Variants in MARCHF1 observed in about 807,000 individuals in gnomAD.
MARCHF1 encodes the protein membrane associated ring-CH-type finger 1.
MARCHF1 carries 40 observed loss-of-function variants against 54.2 expected under a neutral mutation model. The observed-to-expected ratio is 0.74, with a 90% CI of 0.57 to 0.96. The LOEUF is 0.96. Among genes scored for constraint, MARCHF1 ranks in the 40% least tolerant of loss-of-function variants. The probability of loss-of-function intolerance (pLI) is 0.00; values close to 1 mark genes in which losing one functional copy is unlikely to be tolerated. For synonymous variants in MARCHF1, 236 were observed against 236.3 expected (o/e 1.00, Z 0.01); for missense variants, 586 against 656.5 (o/e 0.89, Z 1.17).
chr4:164,350,352 G>A (rs1730245613), intron 1 of MARCHF1, among the ~76,000 whole-genome samples: 1 of 152,102 alleles, frequency 6.6e-6, no homozygotes, highest in South Asian at 2.1e-4. Flanking sequence ...AGTGGGAAGG[G>A]TTGGGGGGAA....
At chr4:163,631,691 A>G (rs1196020215) in intron 5 of MARCHF1, among the ~76,000 whole-genome samples, 1 of 152,254 alleles carries the variant, frequency 6.6e-6, no homozygotes, top group East Asian at 1.9e-4. Context: ...AAGTTTAATT[A>G]AGAATATATT....
At chr4:163,695,490 G>A (rs145889865) in intron 5 of MARCHF1, among the ~76,000 whole-genome samples, 1 of 152,156 alleles carries the variant, frequency 6.6e-6, no homozygotes, top group African/African-American at 2.4e-5. Context: ...TTGAAATTTT[G>A]TAAGATATTT....
chr4:164,373,768 T>C (rs186884038), intron 1 of MARCHF1, among the ~76,000 whole-genome samples: 1 of 152,310 alleles, frequency 6.6e-6, no homozygotes, highest in East Asian at 1.9e-4. Context: ...CATCTCCCAG[T>C]AGCCATGTGG....
intron 2 of MARCHF1, among the ~76,000 whole-genome samples, chr4:163,995,453 T>A (rs952884483): frequency 2.6e-5 from 4 of 151,934 alleles, no homozygotes; most frequent in African/African-American, 9.7e-5. Context: ...CCCTCCTCCT[T>A]GGAGGAGGGG....
intron 5 of MARCHF1, among the ~76,000 whole-genome samples, chr4:163,696,980 TTTGTATCC>T (rs1413618677): frequency 2.0e-5 from 3 of 152,226 alleles, no homozygotes; most frequent in South Asian, 4.1e-4. Flanking sequence ...CTGTGATTTA[TTTGTATCC>T]TTGTATCCAA....
Position 163,625,889 on chromosome 4 carries a change from A to C in MARCHF1, c.163-12496T>G, listed in dbSNP as rs538135075. Among the ~76,000 whole-genome samples, 16 of 152,334 alleles carry C rather than the reference A, an allele frequency of 1.1e-4. No individual in the cohort carries two copies. The South Asian group carries it at 3.3e-3, about 32-fold the overall frequency. Reference sequence around the variant, plus strand: ...ACTGTAATTGAGGATAAAATGAATTAATGTCTTTTAAACACATGGCCCTAT... The same window carrying C: ...ACTGTAATTGAGGATAAAATGAATTCATGTCTTTTAAACACATGGCCCTAT... On this transcript the variant is annotated intron_variant, in intron 5 of 9. Transcript: ENST00000514618.
At position 163,750,278 on chromosome 4, in the gene MARCHF1, G is replaced by A. The variant is rs529799546; in HGVS notation, c.112-49415C>T. On this transcript the variant is annotated intron_variant, in intron 4 of 9. Transcript: ENST00000514618. ...TGTAATCCCAGCAATTTGGGAGGCCGAGGCGGGCGGATCATGAGGTCAGGA... is the reference window on the plus strand; with the variant it reads ...TGTAATCCCAGCAATTTGGGAGGCCAAGGCGGGCGGATCATGAGGTCAGGA... Among the ~76,000 whole-genome samples, 24 of 152,084 alleles carry A rather than the reference G, an allele frequency of 1.6e-4. No homozygotes were observed. In the South Asian group the frequency reaches 2.1e-3, roughly 13 times the overall value.
chr4:164,091,902 G>T (rs62349998), intron 2 of MARCHF1, among the ~76,000 whole-genome samples: 1 of 151,428 alleles, frequency 6.6e-6, no homozygotes, highest in Non-Finnish European at 1.5e-5. Context: ...GTGTCTGTAT[G>T]TGTGTCTGTG....
intron 4 of MARCHF1, among the ~76,000 whole-genome samples, chr4:163,774,094 A>G (rs1747237135): frequency 6.6e-6 from 1 of 152,142 alleles, no homozygotes; most frequent in Non-Finnish European, 1.5e-5. Context: ...ACTAAAATCC[A>G]CAGATGCTCA....
At chr4:163,997,481 T>C (rs1183590506) in intron 2 of MARCHF1, among the ~76,000 whole-genome samples, 1 of 152,036 alleles carries the variant, frequency 6.6e-6, no homozygotes, top group Non-Finnish European at 1.5e-5. Context: ...CAAACTTTAA[T>C]GTTCAAGTGG....
chr4:164,190,299 G>A, intron 1 of MARCHF1: 1 of 740,060 alleles, frequency 1.4e-6, no homozygotes, highest in East Asian at 2.5e-5. Flanking sequence ...CCCTCTCCCA[G>A]CCACGAAGAG....
At chr4:164,345,208 T>C (rs1411849644) in intron 1 of MARCHF1, among the ~76,000 whole-genome samples, 1 of 152,140 alleles carries the variant, frequency 6.6e-6, no homozygotes, top group African/African-American at 2.4e-5. Flanking sequence ...CACCATACAT[T>C]ATGTGTCTTA....
chr4:164,291,909 T>C (rs960763547), intron 1 of MARCHF1, among the ~76,000 whole-genome samples: 2 of 152,160 alleles, frequency 1.3e-5, no homozygotes, highest in Admixed American at 1.3e-4. Flanking sequence ...TCAGGAATTC[T>C]AATGTTATTT....
At chr4:164,282,658 G>A (rs1734054139) in intron 1 of MARCHF1, among the ~76,000 whole-genome samples, 1 of 151,126 alleles carries the variant, frequency 6.6e-6, no homozygotes, top group Non-Finnish European at 1.5e-5. Flanking sequence ...GTTCCAGGTG[G>A]AAGGAACACA....
intron 5 of MARCHF1, among the ~76,000 whole-genome samples, chr4:163,656,624 T>C (rs1478932765): frequency 6.6e-6 from 1 of 151,948 alleles, no homozygotes; most frequent in Non-Finnish European, 1.5e-5. Context: ...TTCAGGCCAA[T>C]ATCCTTGATG....
At chr4:163,793,328 A>G (rs1579291317) in intron 4 of MARCHF1, among the ~76,000 whole-genome samples, 1 of 152,294 alleles carries the variant, frequency 6.6e-6, no homozygotes, top group Admixed American at 6.5e-5. Context: ...GTGGATTTTT[A>G]TAAAATCACT....
chr4:163,739,399 T>C (rs1169913867), intron 4 of MARCHF1, among the ~76,000 whole-genome samples: 2 of 152,212 alleles, frequency 1.3e-5, no homozygotes, highest in Non-Finnish European at 2.9e-5. Flanking sequence ...CTGATTATTA[T>C]ATACTAGAAA....
At chr4:163,930,863 T>C (rs1020664122) in intron 3 of MARCHF1, among the ~76,000 whole-genome samples, 11 of 152,112 alleles carry the variant, frequency 7.2e-5, no homozygotes, top group Non-Finnish European at 1.6e-4. Flanking sequence ...GAATGTACTT[T>C]GCATGAAATA....
At chr4:164,080,421 G>A (rs552912755) in intron 2 of MARCHF1, among the ~76,000 whole-genome samples, 14 of 152,160 alleles carry the variant, frequency 9.2e-5, no homozygotes, top group East Asian at 5.8e-4. Flanking sequence ...AAATATTCAC[G>A]TATCCAGTTA....
Sources: allele counts gnomAD v4.1 joint callset (sites outside exome capture counted in the v4.1 genomes callset), GRCh38; gene constraint gnomAD v4.1.1; transcripts MANE v1.5; gene names NCBI Gene and HGNC (gene_info 2026-07-23, HGNC 2026-07-21).